TTC34: variants seen among roughly 807,000 people sequenced by gnomAD.
TTC34 encodes the protein tetratricopeptide repeat domain 34, also known as tetratricopeptide repeat protein 34.
Under a neutral mutation model 40.7 loss-of-function variants are expected in TTC34, and 44 were observed. That is an observed-to-expected ratio of 1.08 (90% CI 0.85 to 1.39). TTC34 has a LOEUF of 1.39. Among genes scored for constraint, TTC34 ranks in the 40% most tolerant of loss-of-function variants. The pLI, the probability that TTC34 is intolerant of heterozygous loss-of-function variation, is 0.00. For missense variants in TTC34, 884 were observed against 838.0 expected, an observed-to-expected ratio of 1.05 and a Z score of -0.68; for synonymous variants, 422 against 398.6, an observed-to-expected ratio of 1.06 and a Z score of -0.70.
chr1:2,650,622 A>T (rs944435225), intron 6 of TTC34, among the ~76,000 whole-genome samples: 1 of 150,442 alleles, frequency 6.6e-6, no homozygotes, highest in African/African-American at 2.5e-5. Flanking sequence ...CAGCACTTCG[A>T]CCTTCAGGTG....
At chr1:2,798,681 C>A in intron 2 of TTC34, among the ~76,000 whole-genome samples, 1 of 129,558 alleles carries the variant, frequency 7.7e-6, no homozygotes, top group Non-Finnish European at 1.7e-5. Context: ...CTCTCAGCCC[C>A]TCAGCTCCCC....
At chr1:2,750,105 C>A (rs1641266439) in intron 6 of TTC34, among the ~76,000 whole-genome samples, 4 of 143,932 alleles carry the variant, frequency 2.8e-5, no homozygotes, top group Non-Finnish European at 6.0e-5. Context: ...CATCTGACAG[C>A]CTGGAACAGC....
chr1:2,684,706 G>C (rs6683777), intron 6 of TTC34, among the ~76,000 whole-genome samples: 2 of 34,750 alleles, frequency 5.8e-5, no homozygotes, highest in Admixed American at 3.7e-4. Flanking sequence ...AGCCTGGAAC[G>C]GCAACCACAC....
chr1:2,644,402 C>T lies in TTC34; in HGVS notation c.2574G>A (p.Arg858=), dbSNP rs1378689495. 7.2e-6 allele frequency: 11 copies of T among 1,535,872 alleles called. No homozygotes were observed. In the African/African-American group the frequency reaches 9.6e-5, roughly 13 times the overall value. The change falls in exon 8 of 9, where the codon CGG becomes CGA. Residue 858 remains arginine (R), a synonymous_variant. Coordinates refer to ENST00000401095, the Ensembl canonical transcript of TTC34. ...CCTTCTTGAGCTGGAGCAGGCCCAG[C>T]CGGGCCCGGGCTGCCTCTGACGTTG...
chr1:2,698,526 A>T (rs1640972825), intron 6 of TTC34, among the ~76,000 whole-genome samples: 1 of 136,280 alleles, frequency 7.3e-6, no homozygotes, highest in South Asian at 2.4e-4. Flanking sequence ...AGCACCCCAC[A>T]CCCCCAGGTG....
At chr1:2,798,495 T>C (rs1226847551) in intron 2 of TTC34, among the ~76,000 whole-genome samples, 3 of 19,914 alleles carry the variant, frequency 1.5e-4, no homozygotes, top group Non-Finnish European at 9.1e-5. Context: ...GCCCCTTAGC[T>C]CCCCAGCCTC....
At chr1:2,649,733 C>T (rs1469962337) in intron 6 of TTC34, among the ~76,000 whole-genome samples, 1 of 152,142 alleles carries the variant, frequency 6.6e-6, no homozygotes, top group African/African-American at 2.4e-5. Context: ...GTTGACCAGG[C>T]TGGTCTTGAA....
chr1:2,798,551 T>C (rs1227211031), intron 2 of TTC34, among the ~76,000 whole-genome samples: 900 of 11,570 alleles, frequency 0.078, 2 homozygotes, highest in Middle Eastern at 0.25. Flanking sequence ...GCCCCTCAGC[T>C]CCCCAGCCTC....
At chr1:2,788,352 GGT>G (rs1004333693) in intron 3 of TTC34, among the ~76,000 whole-genome samples, 13 of 151,246 alleles carry the variant, frequency 8.6e-5, no homozygotes, top group Non-Finnish European at 1.9e-4. Context: ...TGTTGTGTGT[GGT>G]GTGTGTGTTG....
chr1:2,641,328 G>A, exon 9 of TTC34: 2 of 1,456,570 alleles, frequency 1.4e-6, no homozygotes, highest in South Asian at 1.4e-5. Flanking sequence ...CAGATGCTAG[G>A]GTGGCCCCGT....
At chr1:2,782,525 T>C (rs1643501972) in intron 6 of TTC34, among the ~76,000 whole-genome samples, 1 of 152,172 alleles carries the variant, frequency 6.6e-6, no homozygotes, top group Admixed American at 6.5e-5. Flanking sequence ...TCTCTTTCTT[T>C]CTCTTTCTGT....
At chr1:2,800,178 G>T in exon 2 of TTC34, 1 of 398,588 alleles carries the variant, frequency 2.5e-6, no homozygotes, top group Non-Finnish European at 4.4e-6. Flanking sequence ...GTCCAGAGCC[G>T]CCAGGAGTCG....
chr1:2,673,416 G>T (rs1405406491), intron 6 of TTC34, among the ~76,000 whole-genome samples: 1 of 80,448 alleles, frequency 1.2e-5, no homozygotes, highest in Non-Finnish European at 3.0e-5. Flanking sequence ...GCATCTGATG[G>T]TTTGCGGCAA....
chr1:2,775,986 G>A (rs1441069899), intron 6 of TTC34: 1 of 110,846 alleles, frequency 9.0e-6, no homozygotes, highest in African/African-American at 4.9e-5. Context: ...GGGGACGCGT[G>A]GAAAACCATG....
intron 6 of TTC34, among the ~76,000 whole-genome samples, chr1:2,751,282 C>CT (rs1641310340): frequency 9.3e-6 from 1 of 107,886 alleles, no homozygotes; most frequent in African/African-American, 4.1e-5. Context: ...GAACAGCACC[C>CT]ACACACCCAG....
chr1:2,654,876 C>T (rs1325590232), intron 6 of TTC34, among the ~76,000 whole-genome samples: 1 of 149,958 alleles, frequency 6.7e-6, no homozygotes, highest in Non-Finnish European at 1.5e-5. Flanking sequence ...ATCAGACAGC[C>T]TGGAGCAGCA....
chr1:2,675,104 T>G (rs1350559446), intron 6 of TTC34, among the ~76,000 whole-genome samples: 4 of 4,540 alleles, frequency 8.8e-4, no homozygotes, highest in Admixed American at 3.1e-3. Flanking sequence ...TCTGACAGCC[T>G]GGAGCAGTGC....
At chr1:2,685,961 CA>C (rs1640320468) in intron 6 of TTC34, among the ~76,000 whole-genome samples, 1 of 129,616 alleles carries the variant, frequency 7.7e-6, no homozygotes, top group Non-Finnish European at 1.6e-5. Context: ...CACCCACACC[CA>C]CAGGCGAGCA....
chr1:2,687,970 C>A (rs1435477644), intron 6 of TTC34, among the ~76,000 whole-genome samples: 1 of 151,256 alleles, frequency 6.6e-6, no homozygotes, highest in Admixed American at 6.6e-5. Context: ...CGCGCACCCC[C>A]AGGAGAGCAT....
Sources: gnomAD v4.1 joint callset for allele counts (sites outside exome capture counted in the v4.1 genomes callset) on GRCh38, gnomAD v4.1.1 for gene constraint, MANE v1.5 for transcripts, NCBI Gene and HGNC (gene_info 2026-07-23, HGNC 2026-07-21) for gene names.